TMEM38A: variants seen among roughly 807,000 people sequenced by gnomAD.
The protein encoded by TMEM38A is trimeric intracellular cation channel type A.
TMEM38A carries 17 observed loss-of-function variants against 28.6 expected under a neutral mutation model. That is an observed-to-expected ratio of 0.60 (90% CI 0.41 to 0.89). The LOEUF (loss-of-function observed/expected upper bound fraction) is 0.89, where lower values mean the gene tolerates loss of function less well. TMEM38A is among the 40% of genes least tolerant of loss of function. The pLI is 0.00. For synonymous variants in TMEM38A, 169 were observed against 166.1 expected (o/e 1.02, Z -0.14); for missense variants, 328 against 393.1 (o/e 0.83, Z 1.40).
chr19:16,663,788 G>A (rs909055169), intron 1 of TMEM38A, among the ~76,000 whole-genome samples: 4 of 151,280 alleles, frequency 2.6e-5, no homozygotes, highest in African/African-American at 4.9e-5. Context: ...CGCCTGCCTC[G>A]GCCTCCCAAA....
chr19:16,675,544 ATTTT>A (rs778592406), intron 1 of TMEM38A, among the ~76,000 whole-genome samples: 3 of 89,752 alleles, frequency 3.3e-5, no homozygotes, highest in Admixed American at 1.3e-4. Context: ...TCTCTTGACT[ATTTT>A]TTTTTTTTTT....
chr19:16,686,148 G>A lies in TMEM38A; in HGVS notation c.555-140G>A. On this transcript the variant is annotated intron_variant, in intron 4 of 5. Coordinates refer to ENST00000187762, the MANE Select transcript of TMEM38A (RefSeq NM_024074.4). ...ACTGCACTCCAGCCTGGGCAACAGA[G>A]TGAGATTCCATCTCAAAAGGAAAAG... 3 of 608,408 alleles carry A rather than the reference G, an allele frequency of 4.9e-6. No homozygotes were observed. The South Asian group carries it at 5.8e-5, about 12-fold the overall frequency. The allele number at this position is 608,408 out of a possible 1,614,324, so 37.7% of individuals were successfully genotyped here.
Position 16,688,584 on chromosome 19 carries a change from G to A in TMEM38A, c.*213G>A. 2.5e-6 allele frequency: 1 copy of A among 397,068 alleles called. No individual in the cohort carries two copies. The highest frequency in any genetic ancestry group is 9.9e-5 in the South Asian group (1 of 10,092). 24.6% of individuals were successfully genotyped at this position (397,068 alleles called of 1,614,324 possible). A position where few individuals can be genotyped will look rare whatever the true frequency, so the allele number is the denominator to read the frequency against. Reference sequence around the variant, plus strand: ...AAATCGGGGTTCCCTCTTTCTCTCTGCCAGGACCCCATAGAGTCACAGCTT... The same window carrying A: ...AAATCGGGGTTCCCTCTTTCTCTCTACCAGGACCCCATAGAGTCACAGCTT... On this transcript the variant is annotated 3_prime_UTR_variant, in exon 6 of 6. Transcript: ENST00000187762.
rs368654031 is a variant in TMEM38A, at chr19:16,662,010, G to T, written c.124+669G>T. On this transcript the variant is annotated intron_variant, in intron 1 of 5. Transcript: ENST00000187762. ...CCTCCATCTCAGCTCCAGACTCCAC[G>T]CTGGGGAGGTCACAGGAGGGTACAG... is the stretch of plus-strand genomic sequence containing the variant. 4.6e-5 allele frequency among the ~76,000 whole-genome samples: 7 copies of T among 152,250 alleles called. No individual in the cohort carries two copies. The East Asian group carries it at 9.6e-4, about 21-fold the overall frequency.
At chr19:16,679,880 G>A in intron 1 of TMEM38A, 104 bp from the exon 2 acceptor site, 1 of 1,282,206 alleles carries the variant, frequency 7.8e-7, no homozygotes, top group Non-Finnish European at 1.1e-6. Flanking sequence ...ACTGCACAGT[G>A]TTGGGTGGGC....
chr19:16,688,484 T>G lies in TMEM38A; in HGVS notation c.*113T>G. ...TGGCCTTGACTTCCCCATCTGCAAA[T>G]CAGGGTCATTGGCTCACCCTCCAGG... On this transcript the variant is annotated 3_prime_UTR_variant, in exon 6 of 6. Transcript: ENST00000187762. 1 of 848,800 alleles carries G rather than the reference T, an allele frequency of 1.2e-6. No homozygotes were observed. Among genetic ancestry groups the G allele is most frequent in the Non-Finnish European group, 1.7e-6 (1 of 603,284 alleles). The allele number at this position is 848,800 out of a possible 1,614,324, so 52.6% of individuals were successfully genotyped here.
chr19:16,665,305 T>G (rs1317111595), intron 1 of TMEM38A, among the ~76,000 whole-genome samples: 1 of 150,766 alleles, frequency 6.6e-6, no homozygotes, highest in Non-Finnish European at 1.5e-5. Context: ...AATAAACAAA[T>G]AAATAAAAAT....
intron 1 of TMEM38A, among the ~76,000 whole-genome samples, chr19:16,674,937 T>C (rs1273728304): frequency 6.6e-6 from 1 of 152,170 alleles, no homozygotes; most frequent in East Asian, 1.9e-4. Context: ...GCCTCCGTGG[T>C]TGCTGAACTC....
chr19:16,677,148 T>C (rs1359587163), intron 1 of TMEM38A, among the ~76,000 whole-genome samples: 4 of 151,640 alleles, frequency 2.6e-5, no homozygotes, highest in Non-Finnish European at 5.9e-5. Flanking sequence ...TTCTTTTTAA[T>C]ATGGAATTTT....
chr19:16,678,766 C>CAAAAA (rs61142232), intron 1 of TMEM38A, among the ~76,000 whole-genome samples: 30 of 48,196 alleles, frequency 6.2e-4, no homozygotes, highest in Admixed American at 9.9e-4. Flanking sequence ...ACCCTGTGTC[C>CAAAAA]AAAAAAAAAA....
intron 1 of TMEM38A, among the ~76,000 whole-genome samples, chr19:16,678,447 A>G (rs1015676015): frequency 6.6e-6 from 1 of 150,638 alleles, no homozygotes; most frequent in Non-Finnish European, 1.5e-5. Context: ...AAAAAAAAAA[A>G]AGAGCTATAC....
intron 5 of TMEM38A, among the ~76,000 whole-genome samples, chr19:16,687,680 A>G (rs1056812377): frequency 6.6e-6 from 1 of 152,100 alleles, no homozygotes; most frequent in Non-Finnish European, 1.5e-5. Context: ...GGGACTGGTT[A>G]GCTCTCCTGG....
rs151154675 is a variant in TMEM38A at position 16,662,631 on chromosome 19, T to G, written c.124+1290T>G. 7.9e-3 allele frequency among the ~76,000 whole-genome samples: 1,207 copies of G among 151,908 alleles called. 7 individuals carry two copies. Among genetic ancestry groups the G allele is most frequent in the Middle Eastern group, 0.017 (5 of 294 alleles). On this transcript the variant is annotated intron_variant, in intron 1 of 5. Coordinates refer to ENST00000187762, the MANE Select transcript of TMEM38A (RefSeq NM_024074.4). ...ACTACACTTGGCTAATTTTTGTATT[T>G]TTAGTAGAGACAAGCCTTCACCATG...
At position 16,688,532 on chromosome 19, in the gene TMEM38A, G is replaced by A. The variant is rs1285685664; in HGVS notation, c.*161G>A. 3 of 493,050 alleles carry A rather than the reference G, an allele frequency of 6.1e-6. No individual in the cohort carries two copies. Among genetic ancestry groups the A allele is most frequent in the Admixed American group, 8.6e-5 (2 of 23,246 alleles). 30.5% of individuals were successfully genotyped at this position (493,050 alleles called of 1,614,324 possible). A position where few individuals can be genotyped will look rare whatever the true frequency, so the allele number is the denominator to read the frequency against. ...AGGGCTGATGTGGGGGTTGAGATAT[G>A]GGGATGAGGATGAAGAACTTTTGTA... On this transcript the variant is annotated 3_prime_UTR_variant, in exon 6 of 6. Coordinates refer to ENST00000187762, the MANE Select transcript of TMEM38A (RefSeq NM_024074.4).
intron 4 of TMEM38A, among the ~76,000 whole-genome samples, chr19:16,684,682 A>G (rs979056908): frequency 6.6e-6 from 1 of 152,148 alleles, no homozygotes; most frequent in Non-Finnish European, 1.5e-5. Flanking sequence ...ATGATTTGCT[A>G]GAAGGACTCA....
At chr19:16,679,955 A>G in intron 1 of TMEM38A, 29 bp from the exon 2 acceptor site, 1 of 1,567,948 alleles carries the variant, frequency 6.4e-7, no homozygotes, top group Non-Finnish European at 8.6e-7. Context: ...CATGCTGGTG[A>G]TGATGGGGGA....
At chr19:16,677,745 G>T (rs1165217549) in intron 1 of TMEM38A, among the ~76,000 whole-genome samples, 2 of 151,916 alleles carry the variant, frequency 1.3e-5, no homozygotes, top group Non-Finnish European at 2.9e-5. Flanking sequence ...TTTTGCAGAG[G>T]TGGGGTCTCA....
chr19:16,668,816 TTTTTTC>T, intron 1 of TMEM38A, among the ~76,000 whole-genome samples: 1 of 151,660 alleles, frequency 6.6e-6, no homozygotes, highest in African/African-American at 2.4e-5. Context: ...TATTTCTTTC[TTTTTTC>T]TTTTTCTTTC....
chr19:16,679,810 T>A lies in TMEM38A; in HGVS notation c.125-174T>A, dbSNP rs762347470. ...CCCACTCGGCTCTCTATTTTCTCTG[T>A]GCAACCTCAGGCATGCGTACAGCCT... is the stretch of plus-strand genomic sequence containing the variant. On this transcript the variant is annotated intron_variant, in intron 1 of 5. Transcript: ENST00000187762. Among the ~76,000 whole-genome samples the A allele has an allele frequency of 1.1e-3, 169 of 152,212 alleles. 1 individual carries two copies. The highest frequency in any genetic ancestry group is 1.1e-3 in the Non-Finnish European group (77 of 68,036).
Sources: allele counts gnomAD v4.1 joint callset (sites outside exome capture counted in the v4.1 genomes callset), GRCh38; gene constraint gnomAD v4.1.1; transcripts MANE v1.5; gene names NCBI Gene and HGNC (gene_info 2026-07-23, HGNC 2026-07-21).